CCSER1: variants seen among roughly 807,000 people sequenced by gnomAD.
CCSER1 encodes coiled-coil serine rich protein 1.
In CCSER1, 41 loss-of-function variants were observed where a neutral mutation model predicts 82.0. The observed-to-expected ratio is 0.50, with a 90% CI of 0.39 to 0.65. The LOEUF (loss-of-function observed/expected upper bound fraction) is 0.65. Ranked by LOEUF, CCSER1 falls within the 30% of genes least tolerant of loss-of-function variation. CCSER1 has a pLI of 0.00. For synonymous variants in CCSER1, 414 were observed against 383.9 expected, an observed-to-expected ratio of 1.08 and a Z score of -0.92; for missense variants, 1,119 against 1,064.2, an observed-to-expected ratio of 1.05 and a Z score of -0.72.
intron 1 of CCSER1, among the ~76,000 whole-genome samples, chr4:90,304,711 A>G (rs971459557): frequency 6.6e-6 from 1 of 152,112 alleles, no homozygotes; most frequent in Non-Finnish European, 1.5e-5. Flanking sequence ...TGACAAGTTA[A>G]TGGGTGCAGC....
chr4:91,360,944 T>G (rs1194572053), intron 10 of CCSER1, among the ~76,000 whole-genome samples: 1 of 151,838 alleles, frequency 6.6e-6, no homozygotes, highest in African/African-American at 2.4e-5. Context: ...ATTTAGACAG[T>G]GTAGTTATGT....
At chr4:91,408,815 A>G (rs938864709) in intron 10 of CCSER1, among the ~76,000 whole-genome samples, 6 of 152,220 alleles carry the variant, frequency 3.9e-5, no homozygotes, top group South Asian at 2.1e-4. Context: ...TAGCAGACAT[A>G]TACAGTGCTT....
At chr4:90,876,415 G>GCAACA (rs1399376168) in intron 8 of CCSER1, among the ~76,000 whole-genome samples, 3 of 152,018 alleles carry the variant, frequency 2.0e-5, no homozygotes, top group African/African-American at 7.2e-5. Flanking sequence ...ATGTGTGCTG[G>GCAACA]CAACACAACA....
intron 6 of CCSER1, among the ~76,000 whole-genome samples, chr4:90,698,117 T>C (rs1371808181): frequency 2.0e-5 from 3 of 152,154 alleles, no homozygotes; most frequent in Non-Finnish European, 1.5e-5. Context: ...GAATGAAAGC[T>C]AGAAAGCTTT....
intron 4 of CCSER1, among the ~76,000 whole-genome samples, chr4:90,453,397 G>A (rs566772549): frequency 3.9e-5 from 6 of 152,268 alleles, no homozygotes; most frequent in Non-Finnish European, 5.9e-5. Context: ...GGTATTACAA[G>A]GGTTGTTACA....
Position 91,084,444 on chromosome 4 carries a change from T to C in CCSER1, c.2173-1506T>C, listed in dbSNP as rs534457556. Among the ~76,000 whole-genome samples the C allele has an allele frequency of 2.3e-3, 354 of 152,206 alleles. 4 individuals carry two copies. Among genetic ancestry groups the C allele is most frequent in the South Asian group, 5.8e-3 (28 of 4,820 alleles). ...CATTTTTCAGTCACAAAAGATGAAA[T>C]TGAGAGATATTATGTAATTTGTTAA... On this transcript the variant is annotated intron_variant, in intron 9 of 10. Coordinates refer to ENST00000509176, the MANE Select transcript of CCSER1 (RefSeq NM_001145065.2).
At chr4:90,249,068 AG>A (rs1721926672) in intron 1 of CCSER1, among the ~76,000 whole-genome samples, 1 of 93,856 alleles carries the variant, frequency 1.1e-5, no homozygotes. Context: ...TTATAATTAC[AG>A]GAAAATAAAA....
At chr4:90,761,560 C>T (rs940367758) in intron 7 of CCSER1, among the ~76,000 whole-genome samples, 1 of 152,076 alleles carries the variant, frequency 6.6e-6, no homozygotes, top group Admixed American at 6.6e-5. Context: ...TTCAACTATC[C>T]ATATGCCAGT....
chr4:90,625,015 A>G (rs2148897867), intron 5 of CCSER1, among the ~76,000 whole-genome samples: 1 of 152,232 alleles, frequency 6.6e-6, no homozygotes, highest in East Asian at 1.9e-4. Flanking sequence ...TTTTTTGCCA[A>G]GTTAAAGGAC....
intron 1 of CCSER1, among the ~76,000 whole-genome samples, chr4:90,276,247 TTTCTTTCCTTCCTTCCTTCC>T (rs1727648482): frequency 4.1e-4 from 41 of 99,400 alleles, no homozygotes; most frequent in South Asian, 7.7e-4. Flanking sequence ...TCTTTCTTTC[TTTCTTTCCTTCCTTCCTTCC>T]TTCCTTCCTT....
At chr4:90,815,493 C>T (rs1038674307) in intron 7 of CCSER1, among the ~76,000 whole-genome samples, 2 of 150,166 alleles carry the variant, frequency 1.3e-5, no homozygotes, top group East Asian at 2.0e-4. Flanking sequence ...AAAAACAAAA[C>T]AAAAAACTAA....
rs1759384885 is a variant in CCSER1, at chr4:91,504,565, C to T, written c.2218-94007C>T. 5.3e-5 allele frequency among the ~76,000 whole-genome samples: 8 copies of T among 152,096 alleles called. No individual in the cohort carries two copies. In the South Asian group the frequency reaches 1.7e-3, roughly 32 times the overall value. On this transcript the variant is annotated intron_variant, in intron 10 of 10. Transcript: ENST00000509176. ...AATTTCATTATATCATCACATATCA[C>T]ATATGGTTTTATTAAAATAATACTA...
intron 10 of CCSER1, among the ~76,000 whole-genome samples, chr4:91,331,018 G>T (rs977624444): frequency 6.6e-6 from 1 of 152,032 alleles, no homozygotes; most frequent in Non-Finnish European, 1.5e-5. Context: ...TATTATACAG[G>T]AAAAACCATA....
intron 10 of CCSER1, among the ~76,000 whole-genome samples, chr4:91,459,088 C>A (rs1469041211): frequency 2.0e-5 from 3 of 151,526 alleles, no homozygotes; most frequent in African/African-American, 7.3e-5. Context: ...TTTAAATAAT[C>A]AAAAAATTCT....
intron 9 of CCSER1, among the ~76,000 whole-genome samples, chr4:90,964,678 T>C (rs1171685752): frequency 2.7e-5 from 4 of 147,246 alleles, no homozygotes; most frequent in African/African-American, 1.0e-4. Flanking sequence ...TGATCCGAGA[T>C]TGTGCCACTG....
chr4:90,531,109 T>C (rs536068028), intron 5 of CCSER1, among the ~76,000 whole-genome samples: 2 of 152,258 alleles, frequency 1.3e-5, no homozygotes, highest in African/African-American at 4.8e-5. Context: ...TTATATGAAT[T>C]GCAATCTTTT....
At chr4:90,189,569 T>TA (rs1735242235) in intron 1 of CCSER1, among the ~76,000 whole-genome samples, 1 of 151,922 alleles carries the variant, frequency 6.6e-6, no homozygotes, top group African/African-American at 2.4e-5. Context: ...TATGTATATA[T>TA]ACATATATAT....
At position 90,839,007 on chromosome 4, in the gene CCSER1, C is replaced by G. The variant is rs778861842; in HGVS notation, c.2094+23162C>G. The G allele has an allele frequency of 2.5e-6, 4 of 1,612,610 alleles. No homozygotes were observed. In the South Asian group the frequency reaches 4.4e-5, roughly 18 times the overall value. On this transcript the variant is annotated intron_variant, in intron 8 of 10. Transcript: ENST00000509176. ...TTCAGTTTCGGCTTATCGAATTTCT[C>G]GATCTCAGCCATATCGGGTTTGTCA... is the stretch of plus-strand genomic sequence containing the variant.
intron 7 of CCSER1, among the ~76,000 whole-genome samples, chr4:90,809,845 T>C (rs559259856): frequency 5.3e-5 from 8 of 152,222 alleles, no homozygotes; most frequent in Admixed American, 2.0e-4. Flanking sequence ...TGAGCCTTGA[T>C]TGAGCCATTG....
Sources: allele counts gnomAD v4.1 joint callset (sites outside exome capture counted in the v4.1 genomes callset), GRCh38; gene constraint gnomAD v4.1.1; transcripts MANE v1.5; gene names NCBI Gene and HGNC (gene_info 2026-07-23, HGNC 2026-07-21).